EFCAB11: variants seen among roughly 807,000 people sequenced by gnomAD.
EFCAB11 encodes the protein EF-hand calcium-binding domain-containing protein 11.
EFCAB11 carries 14 observed loss-of-function variants against 23.0 expected under a neutral mutation model. The ratio of observed to expected loss-of-function variants is 0.61; its 90% CI spans 0.40 to 0.95. The LOEUF is 0.95. EFCAB11 is among the 40% of genes least tolerant of loss of function. The probability of loss-of-function intolerance (pLI) is 0.00; values close to 1 mark genes in which losing one functional copy is unlikely to be tolerated. For synonymous variants in EFCAB11, 65 were observed against 66.6 expected (o/e 0.98, Z 0.11); for missense variants, 198 against 195.8 (o/e 1.01, Z -0.07).
chr14:89,892,368 G>C lies in EFCAB11; in HGVS notation c.410+39173C>G, dbSNP rs1888999437. On this transcript the variant is annotated intron_variant, in intron 5 of 5. Transcript: ENST00000316738. Reference sequence around the variant, plus strand: ...ATCAAGCTAGAAGAGGGCTTGGGGGGTGTCCGGCTCATCCACAAGACCCAA... The same window carrying C: ...ATCAAGCTAGAAGAGGGCTTGGGGGCTGTCCGGCTCATCCACAAGACCCAA... 10 of 1,610,774 alleles carry C rather than the reference G, an allele frequency of 6.2e-6. No homozygotes were observed. The Admixed American group carries it at 1.0e-4, about 16-fold the overall frequency.
intron 5 of EFCAB11, among the ~76,000 whole-genome samples, chr14:89,896,006 A>T (rs1889140648): frequency 6.6e-6 from 1 of 152,216 alleles, no homozygotes; most frequent in Non-Finnish European, 1.5e-5. Context: ...AAATGTGAAG[A>T]GATAAGAGAG....
intron 5 of EFCAB11, 41 bp from the exon 6 acceptor site, chr14:89,797,365 T>C: frequency 6.4e-7 from 1 of 1,554,470 alleles, no homozygotes. Flanking sequence ...ATTATTCTCG[T>C]TAACACCTAT....
At position 89,880,259 on chromosome 14, in the gene EFCAB11, T is replaced by A. The variant is rs1429973338; in HGVS notation, c.410+51282A>T. The stretch of plus-strand genomic sequence containing the variant: ...GCCCCAGAGCACTCCCTTGTTCCTT[T>A]CCACCATGTGACACACCATTCCATG... On this transcript the variant is annotated intron_variant, in intron 5 of 5. Transcript: ENST00000316738. 2.0e-5 allele frequency among the ~76,000 whole-genome samples: 3 copies of A among 152,168 alleles called. No homozygotes were observed. In the East Asian group the frequency reaches 5.8e-4, roughly 29 times the overall value.
At position 89,950,151 on chromosome 14, in the gene EFCAB11, G is replaced by A. The variant is rs1176853624; in HGVS notation, c.172-9C>T. On this transcript the variant is annotated splice_polypyrimidine_tract_variant and intron_variant, in intron 2 of 5. Transcript: ENST00000316738. ...ACAGAATCCACTTCTATCTAGAAAA[G>A]AGGAAAAAATAATAGAACATGTAAT... is the stretch of plus-strand genomic sequence containing the variant. 3 of 1,553,168 alleles carry A rather than the reference G, an allele frequency of 1.9e-6. No homozygotes were observed. The highest frequency in any genetic ancestry group is 1.1e-5 in the South Asian group (1 of 87,652).
At chr14:89,954,776 G>T (rs1273954172), upstream of EFCAB11, 2 of 1,443,282 alleles carry the variant, frequency 1.4e-6, no homozygotes, top group African/African-American at 2.8e-5. Context: ...ACTTCACCGC[G>T]CAACTCCGAC....
intron 5 of EFCAB11, among the ~76,000 whole-genome samples, chr14:89,809,629 A>G (rs1886085219): frequency 6.6e-6 from 1 of 152,230 alleles, no homozygotes; most frequent in African/African-American, 2.4e-5. Context: ...CATTATGCTC[A>G]AGCACAGACG....
At chr14:89,860,574 A>G (rs1887892337) in intron 5 of EFCAB11, among the ~76,000 whole-genome samples, 1 of 152,224 alleles carries the variant, frequency 6.6e-6, no homozygotes, top group Non-Finnish European at 1.5e-5. Flanking sequence ...TTCAGTTGCT[A>G]CTGTTAGAAA....
At chr14:89,875,143 G>A (rs778792497) in intron 5 of EFCAB11, among the ~76,000 whole-genome samples, 10 of 151,976 alleles carry the variant, frequency 6.6e-5, no homozygotes, top group African/African-American at 1.7e-4. Context: ...CTGACTGCTC[G>A]GGGTTCGCGT....
chr14:89,843,638 C>T (rs1318796044), intron 5 of EFCAB11, among the ~76,000 whole-genome samples: 1 of 152,128 alleles, frequency 6.6e-6, no homozygotes, highest in Admixed American at 6.5e-5. Context: ...AATTTGAAAA[C>T]ATATCAATTA....
intron 3 of EFCAB11, among the ~76,000 whole-genome samples, chr14:89,944,860 T>C (rs1239676782): frequency 6.7e-6 from 1 of 150,114 alleles, no homozygotes; most frequent in Non-Finnish European, 1.5e-5. Context: ...ACAATATTAA[T>C]AAATCTAATA....
chr14:89,859,884 C>T (rs1334840994), intron 5 of EFCAB11, among the ~76,000 whole-genome samples: 5 of 152,168 alleles, frequency 3.3e-5, no homozygotes, highest in Non-Finnish European at 7.3e-5. Flanking sequence ...TATAGCCATG[C>T]ATTCTGAGCT....
At chr14:89,841,141 T>C (rs1887248776) in intron 5 of EFCAB11, among the ~76,000 whole-genome samples, 1 of 152,218 alleles carries the variant, frequency 6.6e-6, no homozygotes, top group Non-Finnish European at 1.5e-5. Flanking sequence ...TTCCATTTGC[T>C]AGTTAAACTA....
chr14:89,899,622 G>GC (rs1463831226), intron 5 of EFCAB11, among the ~76,000 whole-genome samples: 2 of 152,136 alleles, frequency 1.3e-5, no homozygotes, highest in Non-Finnish European at 2.9e-5. Context: ...TATGTAAAGA[G>GC]CCCCTATAAA....
rs575820865 is a variant in EFCAB11 at position 89,847,391 on chromosome 14, C to T, written c.411-50067G>A. Among the ~76,000 whole-genome samples, 17 of 152,236 alleles carry T rather than the reference C, an allele frequency of 1.1e-4. 1 individual carries two copies. Among genetic ancestry groups the T allele is most frequent in the South Asian group, 6.2e-4 (3 of 4,816 alleles). ...CACTGAGAACATTCACAAACTGACA[C>T]CATGTAGCTCAGATGTCTCTGCTGA... On this transcript the variant is annotated intron_variant, in intron 5 of 5. Coordinates refer to ENST00000316738, the MANE Select transcript of EFCAB11 (RefSeq NM_145231.4).
chr14:89,915,304 G>A (rs1424572460), intron 5 of EFCAB11, among the ~76,000 whole-genome samples: 2 of 152,188 alleles, frequency 1.3e-5, no homozygotes, highest in African/African-American at 2.4e-5. Flanking sequence ...AGAGGGATTA[G>A]CTTTGCTTCC....
At chr14:89,847,137 G>A (rs1176351803) in intron 5 of EFCAB11, among the ~76,000 whole-genome samples, 1 of 152,168 alleles carries the variant, frequency 6.6e-6, no homozygotes, top group Non-Finnish European at 1.5e-5. Context: ...TGCCCAAGCT[G>A]CTTTTGTTAA....
At chr14:89,847,754 AAAAAAGAAAGAAAG>A (rs1188330315) in intron 5 of EFCAB11, among the ~76,000 whole-genome samples, 3 of 146,022 alleles carry the variant, frequency 2.1e-5, no homozygotes, top group East Asian at 4.0e-4. Context: ...AAAAAAAAAA[AAAAAAGAAAGAAAG>A]AAAGAAAGAA....
chr14:89,911,766 C>T (rs958761195), intron 5 of EFCAB11, among the ~76,000 whole-genome samples: 1 of 152,198 alleles, frequency 6.6e-6, no homozygotes, highest in African/African-American at 2.4e-5. Context: ...AAGTATTATT[C>T]TCTAGGTCAG....
chr14:89,827,084 G>C (rs1596385898), intron 5 of EFCAB11, among the ~76,000 whole-genome samples: 1 of 152,150 alleles, frequency 6.6e-6, no homozygotes, highest in Non-Finnish European at 1.5e-5. Flanking sequence ...AAAAGAAATA[G>C]GTTAGACAGG....
Sources: allele counts gnomAD v4.1 joint callset (sites outside exome capture counted in the v4.1 genomes callset), GRCh38; gene constraint gnomAD v4.1.1; transcripts MANE v1.5; gene names NCBI Gene and HGNC (gene_info 2026-07-23, HGNC 2026-07-21).